Variants in SLC8A1 observed in about 807,000 individuals in gnomAD.
SLC8A1 encodes solute carrier family 8 member A1.
Under a neutral mutation model 68.3 loss-of-function variants are expected in SLC8A1, and 18 were observed. The ratio of observed to expected loss-of-function variants is 0.26; its 90% CI spans 0.18 to 0.39. The LOEUF is 0.39. Among genes scored for constraint, SLC8A1 ranks in the 10% least tolerant of loss-of-function variants. The pLI, the probability that SLC8A1 is intolerant of heterozygous loss-of-function variation, is 1.00. For synonymous variants in SLC8A1, 475 were observed against 415.5 expected (o/e 1.14, Z -1.74); for missense variants, 985 against 1,156.7 (o/e 0.85, Z 2.15).
intron 7 of SLC8A1, among the ~76,000 whole-genome samples, chr2:40,133,391 TGGG>T (rs3059301): frequency 0.54 from 78,658 of 144,622 alleles, 21,549 homozygotes; most frequent in East Asian, 0.78. Context: ...TATACAAAAT[TGGG>T]GGGGGGGGGG....
At chr2:40,245,470 G>T (rs1191935327) in intron 2 of SLC8A1, among the ~76,000 whole-genome samples, 2 of 152,172 alleles carry the variant, frequency 1.3e-5, no homozygotes, top group Non-Finnish European at 1.5e-5. Context: ...AGGACAGAGT[G>T]CATGGGAGGA....
At chr2:40,320,938 T>C (rs1295200804) in intron 2 of SLC8A1, among the ~76,000 whole-genome samples, 1 of 152,094 alleles carries the variant, frequency 6.6e-6, no homozygotes, top group Non-Finnish European at 1.5e-5. Context: ...TTCACTCCAA[T>C]AGCCTGGATC....
At chr2:40,392,166 A>C (rs569229180) in intron 2 of SLC8A1, among the ~76,000 whole-genome samples, 1 of 152,030 alleles carries the variant, frequency 6.6e-6, no homozygotes, top group African/African-American at 2.4e-5. Context: ...AGAAAAAAGA[A>C]AGGAAGAGAG....
At chr2:40,285,794 T>C (rs1043132827) in intron 2 of SLC8A1, among the ~76,000 whole-genome samples, 3 of 152,222 alleles carry the variant, frequency 2.0e-5, no homozygotes, top group South Asian at 4.1e-4. Flanking sequence ...TTAACTGAGA[T>C]AGAAATGAAA....
chr2:40,368,071 T>G (rs914026234), intron 2 of SLC8A1, among the ~76,000 whole-genome samples: 19 of 152,230 alleles, frequency 1.2e-4, no homozygotes, highest in South Asian at 2.1e-4. Flanking sequence ...TCCTCCCAAC[T>G]TTTTGTGATC....
chr2:40,179,944 C>T (rs540004074), intron 2 of SLC8A1, among the ~76,000 whole-genome samples: 29 of 152,290 alleles, frequency 1.9e-4, no homozygotes, highest in Admixed American at 9.8e-4. Context: ...AACCCAATAA[C>T]GTACTCTCTG....
chr2:40,460,188 A>G (rs902156690), intron 1 of SLC8A1, among the ~76,000 whole-genome samples: 5 of 152,204 alleles, frequency 3.3e-5, no homozygotes, highest in South Asian at 2.1e-4. Flanking sequence ...TATCTCATGG[A>G]TCTTAAGAAA....
At chr2:40,194,469 A>ATGTGTGTGTGTGTG (rs543194094) in intron 2 of SLC8A1, among the ~76,000 whole-genome samples, 62 of 137,440 alleles carry the variant, frequency 4.5e-4, no homozygotes, top group African/African-American at 1.6e-3. Context: ...TCAGTAAGCA[A>ATGTGTGTGTGTGTG]TGTGTGTGTG....
At chr2:40,166,184 T>A (rs1233538120) in intron 4 of SLC8A1, among the ~76,000 whole-genome samples, 1 of 152,028 alleles carries the variant, frequency 6.6e-6, no homozygotes, top group African/African-American at 2.4e-5. Context: ...ACCCATGGCC[T>A]CCCCCCTGCT....
In SLC8A1 at chr2:40,155,222, C is replaced by T. The variant is rs752695786; in HGVS notation, c.2161+5543G>A. 1.1e-4 allele frequency among the ~76,000 whole-genome samples: 16 copies of T among 151,890 alleles called. No individual in the cohort carries two copies. The East Asian group carries it at 1.2e-3, about 11-fold the overall frequency. ...TCTGCTCACTGCAAGCTCTGCCTCC[C>T]GGGTTCACGCCATTCTCCTGCCTCA... On this transcript the variant is annotated intron_variant, in intron 6 of 7. Coordinates refer to ENST00000406785, the Ensembl canonical transcript of SLC8A1.
At chr2:40,236,888 G>C (rs920465823) in intron 2 of SLC8A1, among the ~76,000 whole-genome samples, 41 of 151,576 alleles carry the variant, frequency 2.7e-4, no homozygotes, top group Admixed American at 3.9e-4. Flanking sequence ...ATGAAATTCT[G>C]GGTTGAAAAT....
intron 2 of SLC8A1, among the ~76,000 whole-genome samples, chr2:40,211,457 G>C (rs2056574871): frequency 6.6e-6 from 1 of 152,190 alleles, no homozygotes; most frequent in African/African-American, 2.4e-5. Context: ...CATCAATGCT[G>C]AAGTGATAGT....
At chr2:40,171,558 G>A (rs1394526211) in intron 4 of SLC8A1, among the ~76,000 whole-genome samples, 1 of 152,172 alleles carries the variant, frequency 6.6e-6, no homozygotes, top group Non-Finnish European at 1.5e-5. Context: ...TTAGATACAT[G>A]TGGGTTTTGA....
At chr2:40,382,472 A>T (rs1682165566) in intron 2 of SLC8A1, among the ~76,000 whole-genome samples, 1 of 152,148 alleles carries the variant, frequency 6.6e-6, no homozygotes, top group Non-Finnish European at 1.5e-5. Context: ...TATTCAAATC[A>T]ATAAAATATG....
exon 8 of SLC8A1, chr2:40,108,352 C>G (rs1229093667): frequency 6.6e-6 from 1 of 152,112 alleles, no homozygotes; most frequent in African/African-American, 2.4e-5. Flanking sequence ...TCATATAAAA[C>G]CTGCGAATAT....
At chr2:40,232,726 A>T (rs2059828433) in intron 2 of SLC8A1, among the ~76,000 whole-genome samples, 1 of 99,018 alleles carries the variant, frequency 1.0e-5, no homozygotes, top group Non-Finnish European at 2.3e-5. Flanking sequence ...CATTAGGTAT[A>T]TCTCCCAGTG....
At chr2:40,180,337 A>T (rs1257296086) in intron 2 of SLC8A1, among the ~76,000 whole-genome samples, 1 of 152,234 alleles carries the variant, frequency 6.6e-6, no homozygotes, top group African/African-American at 2.4e-5. Context: ...GATGGATGTA[A>T]GGAATGATTG....
intron 2 of SLC8A1, among the ~76,000 whole-genome samples, chr2:40,344,661 C>G (rs1254804307): frequency 3.3e-5 from 5 of 152,170 alleles, no homozygotes; most frequent in Admixed American, 6.5e-5. Flanking sequence ...AAAAAAAATT[C>G]ACAGAGCTTC....
chr2:40,301,262 A>T (rs920899389), intron 2 of SLC8A1, among the ~76,000 whole-genome samples: 1 of 152,238 alleles, frequency 6.6e-6, no homozygotes, highest in Non-Finnish European at 1.5e-5. Flanking sequence ...ACTGGATGTT[A>T]TAAGTCCCAT....
Sources: allele counts gnomAD v4.1 joint callset (sites outside exome capture counted in the v4.1 genomes callset), GRCh38; gene constraint gnomAD v4.1.1; transcripts MANE v1.5; gene names NCBI Gene and HGNC (gene_info 2026-07-23, HGNC 2026-07-21).